PPIP5K1: variants seen among roughly 807,000 people sequenced by gnomAD.
PPIP5K1 encodes the protein inositol hexakisphosphate and diphosphoinositol-pentakisphosphate kinase 1.
PPIP5K1 carries 6 observed loss-of-function variants against 27.7 expected under a neutral mutation model. The ratio of observed to expected loss-of-function variants is 0.22; its 90% CI spans 0.12 to 0.43. PPIP5K1 has a LOEUF of 0.43. Ranked by LOEUF, PPIP5K1 falls within the 20% of genes least tolerant of loss-of-function variation. The pLI, the probability that PPIP5K1 is intolerant of heterozygous loss-of-function variation, is 1.00. For missense variants in PPIP5K1, 394 were observed against 635.4 expected, an observed-to-expected ratio of 0.62 and a Z score of 4.08; for synonymous variants, 145 against 242.6, an observed-to-expected ratio of 0.60 and a Z score of 3.74.
chr15:43,539,477 G>A lies in PPIP5K1; in HGVS notation c.3663C>T (p.Pro1221=). Reference sequence around the variant, plus strand: ...TCCAAAAGGATTACTTACACCAAGGGGGCTTCTCAGAGCGCTGCTGGAGTT... The same window carrying A: ...TCCAAAAGGATTACTTACACCAAGGAGGCTTCTCAGAGCGCTGCTGGAGTT... ...PLQLQQRSEK[P]PWYSSGPSST... is the part of the protein sequence containing the mutation. The change falls in exon 31 of 32, where the codon CCC becomes CCT. Residue 1221 remains proline, a synonymous_variant. Transcript: ENST00000420765. 6.3e-7 allele frequency: 1 copy of A among 1,582,650 alleles called. No homozygotes were observed. Among genetic ancestry groups the A allele is most frequent in the Non-Finnish European group, 8.7e-7 (1 of 1,155,656 alleles).
intron 31 of PPIP5K1, among the ~76,000 whole-genome samples, chr15:43,535,752 C>T (rs1459994752): frequency 2.6e-5 from 4 of 152,204 alleles, no homozygotes; most frequent in East Asian, 1.9e-4. Flanking sequence ...TTCACAAATA[C>T]ACTCCCATCC....
chr15:43,553,966 CGA>C (rs2082594320), intron 30 of PPIP5K1, among the ~76,000 whole-genome samples: 3 of 151,966 alleles, frequency 2.0e-5, no homozygotes, highest in Non-Finnish European at 4.4e-5. Flanking sequence ...AATATTCCGA[CGA>C]GTTGTTCTGT....
intron 9 of PPIP5K1, 21 bp downstream of exon 9, chr15:43,581,206 C>A: frequency 6.4e-7 from 1 of 1,566,910 alleles, no homozygotes; most frequent in South Asian, 1.1e-5. Flanking sequence ...CATTTCACAA[C>A]CTCCCTGGGC....
chr15:43,558,577 A>G (rs535074853), intron 30 of PPIP5K1, among the ~76,000 whole-genome samples: 1 of 151,998 alleles, frequency 6.6e-6, no homozygotes, highest in Admixed American at 6.5e-5. Flanking sequence ...GGCTTGTCTC[A>G]AACTCCTGAC....
chr15:43,558,756 G>A (rs765275376), intron 30 of PPIP5K1, 39 bp downstream of exon 30: 1 of 1,609,902 alleles, frequency 6.2e-7, no homozygotes, highest in Non-Finnish European at 8.5e-7. Context: ...CATGGGCATG[G>A]GGGCAGAGAG....
intron 30 of PPIP5K1, among the ~76,000 whole-genome samples, chr15:43,540,284 G>T (rs114524263): frequency 6.6e-6 from 1 of 151,814 alleles, no homozygotes; most frequent in Non-Finnish European, 1.5e-5. Flanking sequence ...TATTTTTCCA[G>T]CTGGGTGTGG....
rs1388657577 is a variant in PPIP5K1 at position 43,559,033 on chromosome 15, C to T, written c.3419-101G>A. 10 of 1,466,802 alleles carry T rather than the reference C, an allele frequency of 6.8e-6. No homozygotes were observed. The East Asian group carries it at 6.8e-5, about 10-fold the overall frequency. The allele number at this position is 1,466,802 out of a possible 1,614,324, so 90.9% of individuals were successfully genotyped here. A position where few individuals can be genotyped will look rare whatever the true frequency, so the allele number is the denominator to read the frequency against. Reference sequence around the variant, plus strand: ...GTCCCTGAGAGCCATCAGGAGAGTCCGTGGCTTTTGGAGTGTTGGGTATCC... The same window carrying T: ...GTCCCTGAGAGCCATCAGGAGAGTCTGTGGCTTTTGGAGTGTTGGGTATCC... On this transcript the variant is annotated intron_variant, in intron 29 of 31. Coordinates refer to ENST00000420765, the MANE Select transcript of PPIP5K1 (RefSeq NM_001394395.1).
At chr15:43,551,524 A>G (rs970060508) in intron 30 of PPIP5K1, among the ~76,000 whole-genome samples, 4 of 150,102 alleles carry the variant, frequency 2.7e-5, no homozygotes, top group Non-Finnish European at 5.9e-5. Context: ...TCTCAAAAAA[A>G]AAAAAAACCC....
intron 30 of PPIP5K1, among the ~76,000 whole-genome samples, chr15:43,551,606 G>GTTTGTTTTTTTT (rs2082201648): frequency 9.5e-6 from 1 of 105,462 alleles, no homozygotes; most frequent in African/African-American, 5.2e-5. Context: ...TCTTGATTCA[G>GTTTGTTTTTTTT]TTTTTTTTTT....
intron 30 of PPIP5K1, among the ~76,000 whole-genome samples, chr15:43,542,647 AGTGT>A (rs56361192): frequency 0.013 from 1,619 of 121,294 alleles, 8 homozygotes; most frequent in African/African-American, 0.016. Context: ...ATATATATTC[AGTGT>A]GTGTGTGTGT....
Position 43,534,581 on chromosome 15 carries a change from G to T in PPIP5K1, c.*93C>A. 1 of 1,154,342 alleles carries T rather than the reference G, an allele frequency of 8.7e-7. No homozygotes were observed. The highest frequency in any genetic ancestry group is 1.2e-6 in the Non-Finnish European group (1 of 820,866). 71.5% of individuals were successfully genotyped at this position (1,154,342 alleles called of 1,614,324 possible). On this transcript the variant is annotated 3_prime_UTR_variant, in exon 32 of 32. Coordinates refer to ENST00000420765, the MANE Select transcript of PPIP5K1 (RefSeq NM_001394395.1). ...AGTGCTGGTCATGGGCTAGAGACTG[G>T]CTCTGAGGGTTTGGATCACCAGATG...
At chr15:43,541,739 A>T (rs563210897) in intron 30 of PPIP5K1, among the ~76,000 whole-genome samples, 2 of 151,822 alleles carry the variant, frequency 1.3e-5, no homozygotes, top group South Asian at 2.1e-4. Flanking sequence ...AGAAAAAAAA[A>T]AAAAGAGAGA....
At chr15:43,543,283 C>T (rs2470132) in intron 30 of PPIP5K1, among the ~76,000 whole-genome samples, 1 of 115,014 alleles carries the variant, frequency 8.7e-6, no homozygotes, top group Non-Finnish European at 1.7e-5. Flanking sequence ...GGGGAGGGGG[C>T]AGGGATAGCA....
At chr15:43,536,064 C>G (rs1306004353) in intron 31 of PPIP5K1, 9 of 1,269,914 alleles carry the variant, frequency 7.1e-6, no homozygotes, top group Non-Finnish European at 8.2e-6. Context: ...ATTTATAGCC[C>G]AAATGATAAG....
chr15:43,579,598 CGT>C (rs1168161790), intron 10 of PPIP5K1, among the ~76,000 whole-genome samples: 1,122 of 29,850 alleles, frequency 0.038, 89 homozygotes, highest in East Asian at 0.11. Context: ...TATATGTGTA[CGT>C]GTGTGTGTGT....
At chr15:43,546,654 A>ATTTTT (rs58966502) in intron 30 of PPIP5K1, among the ~76,000 whole-genome samples, 4 of 106,500 alleles carry the variant, frequency 3.8e-5, no homozygotes, top group Non-Finnish European at 8.1e-5. Context: ...CCTGTTTTCA[A>ATTTTT]TTTTTTTTTT....
chr15:43,543,060 C>T lies in PPIP5K1; in HGVS notation c.3557-3477G>A, dbSNP rs142384830. The stretch of plus-strand genomic sequence containing the variant: ...TTGATTGTTTCCTTGCTTTCCTTTA[C>T]AACATGCTGCAAGATCATCCTGGGC... On this transcript the variant is annotated intron_variant, in intron 30 of 31. Coordinates refer to ENST00000420765, the MANE Select transcript of PPIP5K1 (RefSeq NM_001394395.1). Among the ~76,000 whole-genome samples, 544 of 151,870 alleles carry T rather than the reference C, an allele frequency of 3.6e-3. 3 individuals carry two copies. Among genetic ancestry groups the T allele is most frequent in the African/African-American group, 0.012 (513 of 41,382 alleles).
chr15:43,579,486 TAG>T (rs2084716308), intron 10 of PPIP5K1, among the ~76,000 whole-genome samples: 1 of 99,980 alleles, frequency 1.0e-5, no homozygotes, highest in Non-Finnish European at 1.7e-5. Flanking sequence ...TATGCGCATA[TAG>T]ATACACACAT....
intron 30 of PPIP5K1, among the ~76,000 whole-genome samples, chr15:43,547,136 A>G (rs182296562): frequency 2.2e-4 from 34 of 152,308 alleles, no homozygotes; most frequent in Admixed American, 9.2e-4. Flanking sequence ...TTAGATTTGT[A>G]TATCCCTAAA....
Sources: allele counts gnomAD v4.1 joint callset (sites outside exome capture counted in the v4.1 genomes callset), GRCh38; gene constraint gnomAD v4.1.1; transcripts MANE v1.5; gene names NCBI Gene and HGNC (gene_info 2026-07-23, HGNC 2026-07-21).